The following CSMD1 variants were observed in gnomAD, a reference collection of about 807,000 sequenced individuals.
The protein encoded by CSMD1 is CUB and Sushi multiple domains 1, also known as CUB and sushi domain-containing protein 1.
Under a neutral mutation model 417.5 loss-of-function variants are expected in CSMD1, and 213 were observed. The observed-to-expected ratio is 0.51, with a 90% CI of 0.46 to 0.57. CSMD1 has a LOEUF of 0.57. Ranked by LOEUF, CSMD1 falls within the 20% of genes least tolerant of loss-of-function variation. The pLI, the probability that CSMD1 is intolerant of heterozygous loss-of-function variation, is 0.00. For missense variants in CSMD1, 6,923 were observed against 4,529.7 expected, an observed-to-expected ratio of 1.53 and a Z score of -15.17; for synonymous variants, 2,862 against 1,736.8, an observed-to-expected ratio of 1.65 and a Z score of -16.11.
intron 18 of CSMD1, among the ~76,000 whole-genome samples, chr8:3,375,717 C>T (rs1316581002): frequency 1.3e-5 from 2 of 152,118 alleles, no homozygotes; most frequent in Non-Finnish European, 2.9e-5. Context: ...CAGCCCCCAT[C>T]TCACCCTCAG....
chr8:4,930,302 T>C (rs2117186599), intron 1 of CSMD1, among the ~76,000 whole-genome samples: 1 of 152,336 alleles, frequency 6.6e-6, no homozygotes, highest in African/African-American at 2.4e-5. Context: ...CATATGCAAT[T>C]GGTGTGATAT....
At chr8:3,797,941 G>C (rs1301976129) in intron 5 of CSMD1, among the ~76,000 whole-genome samples, 2 of 151,942 alleles carry the variant, frequency 1.3e-5, no homozygotes, top group Non-Finnish European at 2.9e-5. Flanking sequence ...TGTAATTTTA[G>C]CTGTTCTCAT....
At chr8:2,994,460 G>A (rs929305386) in intron 54 of CSMD1, among the ~76,000 whole-genome samples, 5 of 152,178 alleles carry the variant, frequency 3.3e-5, no homozygotes, top group African/African-American at 1.2e-4. Context: ...CTCAGCCGGG[G>A]CAGTGGAAAG....
intron 5 of CSMD1, among the ~76,000 whole-genome samples, chr8:3,929,088 A>C (rs2129148489): frequency 6.6e-6 from 1 of 150,524 alleles, no homozygotes; most frequent in Admixed American, 6.6e-5. Context: ...GAGAATAAAG[A>C]AAGACTTGGA....
chr8:4,837,215 G>A (rs1175931266), intron 1 of CSMD1, among the ~76,000 whole-genome samples: 1 of 152,196 alleles, frequency 6.6e-6, no homozygotes, highest in Non-Finnish European at 1.5e-5. Context: ...CTATTGGGAA[G>A]AATGTAAAGC....
At chr8:3,333,644 T>C (rs1807052745) in intron 23 of CSMD1, among the ~76,000 whole-genome samples, 2 of 152,192 alleles carry the variant, frequency 1.3e-5, no homozygotes, top group East Asian at 1.9e-4. Context: ...AATCTGTGAG[T>C]GTGGATTTAC....
intron 1 of CSMD1, among the ~76,000 whole-genome samples, chr8:4,860,324 G>C (rs1802052081): frequency 6.6e-6 from 1 of 151,412 alleles, no homozygotes; most frequent in Admixed American, 6.6e-5. Context: ...TGACATGTTA[G>C]TGGGTGCAGC....
chr8:4,937,395 A>T (rs1382584108), intron 1 of CSMD1, among the ~76,000 whole-genome samples: 1 of 152,186 alleles, frequency 6.6e-6, no homozygotes, highest in Non-Finnish European at 1.5e-5. Flanking sequence ...TTACTGGGAA[A>T]TATGACAGGT....
chr8:4,873,057 G>A (rs1041520704), intron 1 of CSMD1, among the ~76,000 whole-genome samples: 1 of 152,034 alleles, frequency 6.6e-6, no homozygotes, highest in Non-Finnish European at 1.5e-5. Context: ...TATTTAAGGT[G>A]TACAATATGA....
At chr8:3,458,985 G>A (rs1039843633) in intron 12 of CSMD1, among the ~76,000 whole-genome samples, 1 of 152,210 alleles carries the variant, frequency 6.6e-6, no homozygotes, top group African/African-American at 2.4e-5. Context: ...TCTCAAGCTG[G>A]GCCTTGGGGA....
intron 3 of CSMD1, among the ~76,000 whole-genome samples, chr8:4,161,098 C>T (rs1326348332): frequency 6.9e-6 from 1 of 145,194 alleles, no homozygotes; most frequent in African/African-American, 2.5e-5. Context: ...AGATACATTT[C>T]CAGGAAATAT....
chr8:4,762,943 T>A (rs1812213128), intron 1 of CSMD1, among the ~76,000 whole-genome samples: 1 of 152,302 alleles, frequency 6.6e-6, no homozygotes, highest in South Asian at 2.1e-4. Flanking sequence ...AAGTCTAGAC[T>A]GGCTTATATT....
At chr8:3,022,975 C>T (rs1449071963) in intron 51 of CSMD1, among the ~76,000 whole-genome samples, 8 of 152,184 alleles carry the variant, frequency 5.3e-5, no homozygotes, top group Non-Finnish European at 1.2e-4. Context: ...AATGAGCTGT[C>T]ACTACAGTTA....
intron 29 of CSMD1, among the ~76,000 whole-genome samples, chr8:3,218,370 G>A (rs1051443281): frequency 6.7e-6 from 1 of 150,170 alleles, no homozygotes; most frequent in Non-Finnish European, 1.5e-5. Context: ...GATCATCCTG[G>A]CTAACACTGT....
intron 3 of CSMD1, among the ~76,000 whole-genome samples, chr8:4,300,943 A>G (rs976437254): frequency 1.3e-5 from 2 of 152,192 alleles, no homozygotes; most frequent in African/African-American, 2.4e-5. Context: ...GTTGTTGGAC[A>G]TTTAGGTTGG....
intron 25 of CSMD1, among the ~76,000 whole-genome samples, chr8:3,294,263 A>G (rs567024442): frequency 4.9e-4 from 75 of 152,276 alleles, no homozygotes; most frequent in Admixed American, 2.0e-3. Flanking sequence ...TAGGCTACTC[A>G]GGGGTCAGGG....
At chr8:4,445,599 C>G (rs1025134763) in intron 2 of CSMD1, among the ~76,000 whole-genome samples, 6 of 152,132 alleles carry the variant, frequency 3.9e-5, no homozygotes, top group African/African-American at 1.4e-4. Context: ...TAAGAAAGAA[C>G]TGTGTGTTCA....
At chr8:3,842,228 T>C (rs566312503) in intron 5 of CSMD1, among the ~76,000 whole-genome samples, 1 of 152,294 alleles carries the variant, frequency 6.6e-6, no homozygotes, top group East Asian at 1.9e-4. Flanking sequence ...TAGAATCATC[T>C]GCTTGTCCAT....
At chr8:4,304,947 C>G (rs999604933) in intron 3 of CSMD1, among the ~76,000 whole-genome samples, 2 of 152,034 alleles carry the variant, frequency 1.3e-5, no homozygotes, top group African/African-American at 4.8e-5. Flanking sequence ...TTTTATCAGG[C>G]TGTGGTATTT....
Sources: gnomAD v4.1 joint callset for allele counts (sites outside exome capture counted in the v4.1 genomes callset) on GRCh38, gnomAD v4.1.1 for gene constraint, MANE v1.5 for transcripts, NCBI Gene and HGNC (gene_info 2026-07-23, HGNC 2026-07-21) for gene names.